Variants in LRP1B observed in about 807,000 individuals in gnomAD.
The protein encoded by LRP1B is low-density lipoprotein receptor-related protein 1B.
A neutral mutation model predicts 556.6 loss-of-function variants in LRP1B; 217 were observed. That is an observed-to-expected ratio of 0.39 (90% CI 0.35 to 0.44). The LOEUF is 0.44. Ranked by LOEUF, LRP1B falls within the 20% of genes least tolerant of loss-of-function variation. LRP1B has a pLI of 1.00. For missense variants in LRP1B, 5,053 were observed against 5,620.8 expected, an observed-to-expected ratio of 0.90 and a Z score of 3.23; for synonymous variants, 2,047 against 1,865.8, an observed-to-expected ratio of 1.10 and a Z score of -2.50.
chr2:140,569,581 A>G (rs1049623582), intron 43 of LRP1B, among the ~76,000 whole-genome samples: 1 of 151,950 alleles, frequency 6.6e-6, no homozygotes, highest in African/African-American at 2.4e-5. Flanking sequence ...AGAAAGGAAG[A>G]TAGGCTCCAA....
intron 7 of LRP1B, among the ~76,000 whole-genome samples, chr2:141,126,037 A>T (rs1345705103): frequency 6.2e-5 from 9 of 144,556 alleles, no homozygotes; most frequent in African/African-American, 1.8e-4. Flanking sequence ...TCTTCCTTTT[A>T]TTTTTTTTTT....
intron 7 of LRP1B, among the ~76,000 whole-genome samples, chr2:141,138,699 T>C (rs1701551416): frequency 6.6e-6 from 1 of 151,836 alleles, no homozygotes; most frequent in Admixed American, 6.6e-5. Flanking sequence ...CATATGGACA[T>C]AACAACAATA....
At chr2:140,748,390 T>TGTATA (rs1456155100) in intron 35 of LRP1B, among the ~76,000 whole-genome samples, 98 of 22,472 alleles carry the variant, frequency 4.4e-3, no homozygotes, top group African/African-American at 8.0e-3. Flanking sequence ...TATTCATATA[T>TGTATA]TATATTCATA....
At chr2:141,800,436 A>G (rs1346429291) in intron 2 of LRP1B, among the ~76,000 whole-genome samples, 1 of 152,192 alleles carries the variant, frequency 6.6e-6, no homozygotes, top group Non-Finnish European at 1.5e-5. Context: ...CAAATCTCCT[A>G]TTGCATCTTC....
intron 2 of LRP1B, among the ~76,000 whole-genome samples, chr2:141,723,401 A>G (rs950718062): frequency 6.6e-6 from 1 of 151,110 alleles, no homozygotes; most frequent in Non-Finnish European, 1.5e-5. Flanking sequence ...AAGAAAAATT[A>G]TAGTTGCCTC....
rs1325771209 is a variant in LRP1B, at chr2:140,707,078, C to A, written c.6024-4525G>T. ...AAAAGCAAGACTAGTTGGCATTAAT[C>A]ATTTTCTCTGGATTTAAAATTCTCT... On this transcript the variant is annotated intron_variant, in intron 37 of 90. Transcript: ENST00000389484. Among the ~76,000 whole-genome samples, 3 of 152,090 alleles carry A rather than the reference C, an allele frequency of 2.0e-5. No individual in the cohort carries two copies. In the East Asian group the frequency reaches 5.8e-4, roughly 29 times the overall value.
intron 2 of LRP1B, among the ~76,000 whole-genome samples, chr2:141,654,199 T>C (rs1332408348): frequency 6.6e-6 from 1 of 152,184 alleles, no homozygotes; most frequent in Non-Finnish European, 1.5e-5. Flanking sequence ...GGAGAAAAGG[T>C]AAATACGTCG....
chr2:140,356,959 A>AT (rs946922111), intron 74 of LRP1B, among the ~76,000 whole-genome samples: 5 of 151,614 alleles, frequency 3.3e-5, no homozygotes, highest in Non-Finnish European at 7.4e-5. Context: ...TTTAAATTTC[A>AT]TTTTTTTATG....
At chr2:142,008,512 T>C (rs1325141382) in intron 1 of LRP1B, among the ~76,000 whole-genome samples, 2 of 151,580 alleles carry the variant, frequency 1.3e-5, no homozygotes, top group African/African-American at 4.9e-5. Flanking sequence ...TATTAAGACA[T>C]GGTGACTTTT....
intron 3 of LRP1B, among the ~76,000 whole-genome samples, chr2:141,380,511 A>G (rs1345794298): frequency 6.6e-6 from 1 of 152,094 alleles, no homozygotes; most frequent in Non-Finnish European, 1.5e-5. Flanking sequence ...CCTGCCCCCA[A>G]CTTTTCTGAC....
intron 7 of LRP1B, among the ~76,000 whole-genome samples, chr2:141,144,039 GT>G (rs1018426403): frequency 6.6e-6 from 1 of 151,946 alleles, no homozygotes; most frequent in Non-Finnish European, 1.5e-5. Context: ...AAAATTGAGG[GT>G]TTTATATTGC....
chr2:140,552,698 A>G (rs1680589507), intron 43 of LRP1B, among the ~76,000 whole-genome samples: 1 of 152,166 alleles, frequency 6.6e-6, no homozygotes, highest in Non-Finnish European at 1.5e-5. Flanking sequence ...ACCATGCTAT[A>G]TGGTAATGCA....
intron 72 of LRP1B, among the ~76,000 whole-genome samples, chr2:140,363,627 T>G (rs769418092): frequency 2.0e-5 from 3 of 151,568 alleles, no homozygotes; most frequent in African/African-American, 2.4e-5. Context: ...AAGCTGAAAC[T>G]TAGTTGCATT....
chr2:140,609,179 A>G (rs1402625061), intron 41 of LRP1B, among the ~76,000 whole-genome samples: 2 of 152,176 alleles, frequency 1.3e-5, no homozygotes, highest in African/African-American at 4.8e-5. Context: ...GTAATTCGCC[A>G]TCCAAGGAGA....
chr2:141,279,422 C>T (rs986644985), intron 3 of LRP1B, among the ~76,000 whole-genome samples: 1 of 152,026 alleles, frequency 6.6e-6, no homozygotes, highest in Admixed American at 6.6e-5. Flanking sequence ...AAGATTGGTA[C>T]TGTAGAAGTG....
chr2:140,767,628 ATTATT>A (rs1227157536), intron 35 of LRP1B, among the ~76,000 whole-genome samples: 2 of 151,214 alleles, frequency 1.3e-5, no homozygotes, highest in Admixed American at 6.6e-5. Flanking sequence ...AATTGCTTAT[ATTATT>A]TTATTTTTTT....
intron 1 of LRP1B, among the ~76,000 whole-genome samples, chr2:142,073,385 A>G (rs1339224392): frequency 1.3e-5 from 2 of 152,108 alleles, no homozygotes; most frequent in East Asian, 3.9e-4. Flanking sequence ...TACCTTTCAT[A>G]CAGTAAAGGT....
intron 2 of LRP1B, among the ~76,000 whole-genome samples, chr2:141,504,082 A>G (rs1683826837): frequency 6.6e-6 from 1 of 152,170 alleles, no homozygotes; most frequent in Non-Finnish European, 1.5e-5. Context: ...GGTTACTCAC[A>G]TGTCCAAAGG....
intron 55 of LRP1B, among the ~76,000 whole-genome samples, chr2:140,497,185 T>C (rs2104878352): frequency 6.6e-6 from 1 of 152,074 alleles, no homozygotes; most frequent in South Asian, 2.1e-4. Context: ...CTTGGCACTT[T>C]CATGTTTAAC....
Sources: allele counts gnomAD v4.1 joint callset (sites outside exome capture counted in the v4.1 genomes callset), GRCh38; gene constraint gnomAD v4.1.1; transcripts MANE v1.5; gene names NCBI Gene and HGNC (gene_info 2026-07-23, HGNC 2026-07-21).